Variants in CCDC146 observed in about 807,000 individuals in gnomAD.
CCDC146 encodes coiled-coil domain-containing protein 146.
In CCDC146, 92 loss-of-function variants were observed where a neutral mutation model predicts 119.3. The observed-to-expected ratio is 0.77, with a 90% confidence interval of 0.65 to 0.92. CCDC146 has a LOEUF of 0.92. Among genes scored for constraint, CCDC146 ranks in the 40% least tolerant of loss-of-function variants. The pLI is 0.00. For synonymous variants in CCDC146, 372 were observed against 371.8 expected, an observed-to-expected ratio of 1.00 and a Z score of -0.01; for missense variants, 1,000 against 1,103.0, an observed-to-expected ratio of 0.91 and a Z score of 1.32.
At chr7:77,211,598 ATT>A (rs952830091) in intron 2 of CCDC146, among the ~76,000 whole-genome samples, 3,537 of 151,368 alleles carry the variant, frequency 0.023, 120 homozygotes, top group East Asian at 0.13. Context: ...CTTCTATTTT[ATT>A]TTTTTTATTT....
At chr7:77,270,061 A>G (rs762251964) in intron 9 of CCDC146, among the ~76,000 whole-genome samples, 1 of 152,230 alleles carries the variant, frequency 6.6e-6, no homozygotes, top group Non-Finnish European at 1.5e-5. Flanking sequence ...ACTTGTACAT[A>G]GAGACTCTCC....
intron 11 of CCDC146, among the ~76,000 whole-genome samples, chr7:77,278,435 A>ATTTTTTTTTT (rs140968354): frequency 1.9e-5 from 2 of 103,340 alleles, no homozygotes; most frequent in African/African-American, 4.3e-5. Flanking sequence ...CCAAGAAATA[A>ATTTTTTTTTT]TTTTTTTTTT....
intron 7 of CCDC146, chr7:77,259,431 A>T (rs1315502499): frequency 1.1e-5 from 2 of 186,932 alleles, no homozygotes; most frequent in East Asian, 1.5e-4. Flanking sequence ...AAGCCCAAAT[A>T]ATAGTAACTC....
intron 2 of CCDC146, chr7:77,198,802 T>C: frequency 4.1e-6 from 1 of 241,094 alleles, no homozygotes; most frequent in Non-Finnish European, 7.9e-6. Flanking sequence ...AAAAACTGAT[T>C]TCCAACAAAC....
intron 1 of CCDC146, among the ~76,000 whole-genome samples, chr7:77,132,914 G>A (rs1223001243): frequency 6.6e-6 from 1 of 152,026 alleles, no homozygotes; most frequent in Non-Finnish European, 1.5e-5. Flanking sequence ...GCTTATGCCT[G>A]TAATCCCAGC....
chr7:77,245,547 C>T (rs1160627323), intron 4 of CCDC146, among the ~76,000 whole-genome samples: 5 of 152,188 alleles, frequency 3.3e-5, no homozygotes, highest in African/African-American at 7.2e-5. Context: ...ACTGTGAACC[C>T]GGAGAGTGGG....
intron 3 of CCDC146, among the ~76,000 whole-genome samples, chr7:77,238,857 C>T (rs1253914269): frequency 1.3e-5 from 2 of 152,210 alleles, no homozygotes; most frequent in African/African-American, 2.4e-5. Flanking sequence ...CTATTTCTTC[C>T]TCTTCCAGGT....
At chr7:77,293,768 T>A (rs1793994860) in intron 18 of CCDC146, among the ~76,000 whole-genome samples, 1 of 152,222 alleles carries the variant, frequency 6.6e-6, no homozygotes, top group Non-Finnish European at 1.5e-5. Context: ...TCTACCCCCA[T>A]GACCTGTCAG....
intron 15 of CCDC146, among the ~76,000 whole-genome samples, chr7:77,283,914 T>A (rs1793805623): frequency 6.6e-6 from 1 of 152,214 alleles, no homozygotes; most frequent in South Asian, 2.1e-4. Flanking sequence ...TAATTTAGCC[T>A]TGAGTTCTTC....
intron 2 of CCDC146, among the ~76,000 whole-genome samples, chr7:77,192,986 C>T (rs534591634): frequency 6.6e-6 from 1 of 151,900 alleles, no homozygotes; most frequent in Admixed American, 6.6e-5. Context: ...GTTTTTTAAG[C>T]AGGACAATAA....
intron 2 of CCDC146, among the ~76,000 whole-genome samples, chr7:77,219,445 T>G (rs1792361167): frequency 6.6e-6 from 1 of 152,222 alleles, no homozygotes; most frequent in African/African-American, 2.4e-5. Context: ...AATTTCTGAA[T>G]ATTCCCACCC....
At chr7:77,264,739 T>C (rs989552603) in intron 9 of CCDC146, among the ~76,000 whole-genome samples, 1 of 152,242 alleles carries the variant, frequency 6.6e-6, no homozygotes, top group African/African-American at 2.4e-5. Context: ...ACTTTTGCTT[T>C]CTCTGTATCC....
intron 2 of CCDC146, among the ~76,000 whole-genome samples, chr7:77,212,655 T>C (rs3095471): frequency 0.43 from 62,211 of 144,132 alleles, 15,260 homozygotes; most frequent in African/African-American, 0.68. Context: ...AAGAAAAAAA[T>C]CCCATTCACA....
intron 2 of CCDC146, among the ~76,000 whole-genome samples, chr7:77,197,559 T>A (rs527894524): frequency 2.6e-5 from 4 of 152,348 alleles, no homozygotes; most frequent in Middle Eastern, 3.4e-3. Context: ...ACTGTATTCC[T>A]TGCATACAGA....
chr7:77,272,892 T>C (rs1793553026), intron 9 of CCDC146, among the ~76,000 whole-genome samples: 1 of 152,206 alleles, frequency 6.6e-6, no homozygotes, highest in African/African-American at 2.4e-5. Flanking sequence ...AGTTGAGGCT[T>C]TTCTTTTGTG....
At chr7:77,283,979 C>T in intron 15 of CCDC146, among the ~76,000 whole-genome samples, 1 of 152,102 alleles carries the variant, frequency 6.6e-6, no homozygotes, top group East Asian at 1.9e-4. Context: ...TAGAAAGTCC[C>T]CCTAAACTCC....
intron 15 of CCDC146, among the ~76,000 whole-genome samples, chr7:77,283,523 C>T (rs901749881): frequency 2.0e-5 from 3 of 151,438 alleles, no homozygotes; most frequent in Non-Finnish European, 2.9e-5. Flanking sequence ...GTCAGGTTTG[C>T]GTTTGGATTT....
At chr7:77,186,829 G>A (rs1282060625) in intron 2 of CCDC146, among the ~76,000 whole-genome samples, 6 of 152,144 alleles carry the variant, frequency 3.9e-5, no homozygotes, top group African/African-American at 1.2e-4. Context: ...ATAAAGTGAC[G>A]TATAGGAATT....
chr7:77,241,008 GT>G (rs1275786936), intron 3 of CCDC146, among the ~76,000 whole-genome samples: 5 of 129,600 alleles, frequency 3.9e-5, no homozygotes, highest in Non-Finnish European at 6.5e-5. Flanking sequence ...GTTTTTTTGG[GT>G]TTTTTTTTTT....
Sources: allele counts gnomAD v4.1 joint callset (sites outside exome capture counted in the v4.1 genomes callset), GRCh38; gene constraint gnomAD v4.1.1; transcripts MANE v1.5; gene names NCBI Gene and HGNC (gene_info 2026-07-23, HGNC 2026-07-21).